COX7B2: variants seen among roughly 807,000 people sequenced by gnomAD.
The protein encoded by COX7B2 is cytochrome c oxidase subunit 7B2, also known as cytochrome c oxidase subunit 7B2, mitochondrial.
For synonymous variants in COX7B2, 37 were observed against 32.1 expected, an observed-to-expected ratio of 1.15 and a Z score of -0.51; for missense variants, 109 against 95.9, an observed-to-expected ratio of 1.14 and a Z score of -0.57.
chr4:46,828,147 A>T (rs190325765), intron 2 of COX7B2, among the ~76,000 whole-genome samples: 17 of 152,352 alleles, frequency 1.1e-4, no homozygotes, highest in Non-Finnish European at 1.9e-4. Context: ...CAAATTTGAC[A>T]TAATACAAAG....
chr4:46,837,736 A>C (rs1194830154), intron 2 of COX7B2, among the ~76,000 whole-genome samples: 1 of 152,118 alleles, frequency 6.6e-6, no homozygotes, highest in Non-Finnish European at 1.5e-5. Flanking sequence ...GAAAACTAAT[A>C]GCAATTAAAT....
chr4:46,823,126 A>G (rs1054349869), intron 2 of COX7B2, among the ~76,000 whole-genome samples: 2 of 152,134 alleles, frequency 1.3e-5, no homozygotes, highest in African/African-American at 4.8e-5. Flanking sequence ...ACCCACCACA[A>G]GATAACTAGG....
chr4:46,859,157 G>A (rs79669301), intron 1 of COX7B2, among the ~76,000 whole-genome samples: 1,780 of 152,246 alleles, frequency 0.012, 38 homozygotes, highest in African/African-American at 0.041. Context: ...TGAAAATGTC[G>A]TGTCTCACAA....
intron 2 of COX7B2, among the ~76,000 whole-genome samples, chr4:46,840,850 A>T: frequency 6.6e-6 from 1 of 152,014 alleles, no homozygotes; most frequent in Non-Finnish European, 1.5e-5. Context: ...TGCAGTGGGA[A>T]GTTAGTCTGG....
At chr4:46,880,229 A>C (rs1382604258) in intron 1 of COX7B2, among the ~76,000 whole-genome samples, 2 of 152,048 alleles carry the variant, frequency 1.3e-5, no homozygotes, top group East Asian at 1.9e-4. Context: ...ACTGGTCTGA[A>C]GTTTCCTTTA....
At chr4:46,880,993 T>TTAAAAAAAAAAA (rs1286810017) in intron 1 of COX7B2, among the ~76,000 whole-genome samples, 1 of 102,830 alleles carries the variant, frequency 9.7e-6, no homozygotes, top group East Asian at 3.3e-4. Flanking sequence ...TAGAGTATAA[T>TTAAAAAAAAAAA]AAAAAAAAAA....
chr4:46,781,481 T>C (rs959342232), intron 2 of COX7B2, among the ~76,000 whole-genome samples: 5 of 152,206 alleles, frequency 3.3e-5, no homozygotes, highest in Non-Finnish European at 7.3e-5. Context: ...CAAATCTTCT[T>C]TTCAATCCTT....
intron 1 of COX7B2, among the ~76,000 whole-genome samples, chr4:46,869,903 A>C (rs1020939030): frequency 2.6e-5 from 4 of 152,034 alleles, no homozygotes; most frequent in Admixed American, 2.0e-4. Context: ...GTATTTCCTG[A>C]ATTTGACTGT....
At chr4:46,805,203 G>A (rs767230978) in intron 2 of COX7B2, among the ~76,000 whole-genome samples, 9 of 152,178 alleles carry the variant, frequency 5.9e-5, no homozygotes, top group African/African-American at 9.7e-5. Context: ...TGAGGGAGCC[G>A]GCTCTGGCCT....
At chr4:46,905,096 G>A (rs369692607) in intron 1 of COX7B2, among the ~76,000 whole-genome samples, 1 of 151,570 alleles carries the variant, frequency 6.6e-6, no homozygotes, top group Non-Finnish European at 1.5e-5. Context: ...AGATATAAAT[G>A]AGTTAATATT....
chr4:46,893,023 A>G (rs1719532951), intron 1 of COX7B2, among the ~76,000 whole-genome samples: 1 of 152,266 alleles, frequency 6.6e-6, no homozygotes, highest in East Asian at 1.9e-4. Context: ...AAGTTTCCTG[A>G]GACCTCCCCA....
At chr4:46,804,298 C>A (rs924128107) in intron 2 of COX7B2, among the ~76,000 whole-genome samples, 1 of 152,148 alleles carries the variant, frequency 6.6e-6, no homozygotes, top group African/African-American at 2.4e-5. Context: ...GAAGCTTCCA[C>A]GGTACGGAAA....
At chr4:46,819,132 T>A (rs567058197) in intron 2 of COX7B2, among the ~76,000 whole-genome samples, 2 of 152,302 alleles carry the variant, frequency 1.3e-5, no homozygotes, top group East Asian at 3.9e-4. Context: ...GGCTGATAGG[T>A]GATAGATTTT....
chr4:46,815,894 T>C (rs868254891), intron 2 of COX7B2, among the ~76,000 whole-genome samples: 13 of 152,200 alleles, frequency 8.5e-5, no homozygotes, highest in African/African-American at 2.9e-4. Context: ...ATAATATTTA[T>C]ATTTACCTTT....
At chr4:46,832,464 A>G (rs767045601) in intron 2 of COX7B2, among the ~76,000 whole-genome samples, 2 of 152,214 alleles carry the variant, frequency 1.3e-5, no homozygotes, top group African/African-American at 4.8e-5. Flanking sequence ...AAAGTGTCAC[A>G]TATTATTTCT....
chr4:46,780,132 C>T (rs1717365542), intron 2 of COX7B2, among the ~76,000 whole-genome samples: 1 of 152,102 alleles, frequency 6.6e-6, no homozygotes, highest in African/African-American at 2.4e-5. Flanking sequence ...TGATTAGATT[C>T]AATGACTAAT....
At chr4:46,775,074 AT>A (rs1167073739) in intron 2 of COX7B2, among the ~76,000 whole-genome samples, 131 of 152,074 alleles carry the variant, frequency 8.6e-4, no homozygotes, top group African/African-American at 2.9e-3. Context: ...TAACTACATA[AT>A]TACCTCAATT....
At chr4:46,744,634 G>A (rs116348321) in intron 2 of COX7B2, among the ~76,000 whole-genome samples, 1,674 of 151,934 alleles carry the variant, frequency 0.011, 20 homozygotes, top group Middle Eastern at 0.038. Context: ...TTTGAAATGG[G>A]CTTGTCAAAG....
At chr4:46,769,714 T>C (rs1716760230) in intron 2 of COX7B2, among the ~76,000 whole-genome samples, 1 of 152,072 alleles carries the variant, frequency 6.6e-6, no homozygotes, top group Non-Finnish European at 1.5e-5. Flanking sequence ...GACTCTGTCT[T>C]AAGAAAAGAA....
Sources: allele counts gnomAD v4.1 joint callset (sites outside exome capture counted in the v4.1 genomes callset), GRCh38; gene constraint gnomAD v4.1.1; transcripts MANE v1.5; gene names NCBI Gene and HGNC (gene_info 2026-07-23, HGNC 2026-07-21).